TSC1: variants seen among roughly 807,000 people sequenced by gnomAD.
TSC1 encodes TSC complex subunit 1, also known as hamartin.
A neutral mutation model predicts 124.3 loss-of-function variants in TSC1; 20 were observed. That is an observed-to-expected ratio of 0.16 (90% CI 0.11 to 0.23). The LOEUF is 0.23. Among genes scored for constraint, TSC1 ranks in the 10% least tolerant of loss-of-function variants. The pLI, the probability that TSC1 is intolerant of heterozygous loss-of-function variation, is 1.00. For missense variants in TSC1, 1,124 were observed against 1,448.5 expected, an observed-to-expected ratio of 0.78 and a Z score of 3.64; for synonymous variants, 493 against 539.1, an observed-to-expected ratio of 0.91 and a Z score of 1.19.
intron 2 of TSC1, among the ~76,000 whole-genome samples, chr9:132,932,267 C>G (rs1185467415): frequency 2.6e-5 from 4 of 152,244 alleles, no homozygotes; most frequent in African/African-American, 9.6e-5. Context: ...ACTCTGCCAT[C>G]TTCTGGATCT....
In TSC1 at chr9:132,897,612, TGA is replaced by T. The variant is rs2131640628; in HGVS notation, c.2626-4_2626-3del. On this transcript the variant is annotated splice_region_variant and splice_polypyrimidine_tract_variant and intron_variant, in intron 20 of 22. Transcript: ENST00000298552. ...GGCGGCTTTCATCATTTCTACTTCC[TGA>T]AAAAAAAAAAAAAAAAAGACTGGAA... is the stretch of plus-strand genomic sequence containing the variant. The T allele has an allele frequency of 4.4e-6, 4 of 914,524 alleles. No individual in the cohort carries two copies. The highest frequency in any genetic ancestry group is 3.2e-5 in the East Asian group (1 of 30,996). 56.7% of individuals were successfully genotyped at this position (914,524 alleles called of 1,614,324 possible).
chr9:132,934,929 T>C (rs1847378615), intron 2 of TSC1, 104 bp downstream of exon 2: 4 of 397,968 alleles, frequency 1.0e-5, no homozygotes, highest in Non-Finnish European at 1.8e-5. Flanking sequence ...GTCCAGTTCC[T>C]GGCAAGTAGC....
rs754189843 is a variant in TSC1, at chr9:132,902,805, T to G, written c.2209-18A>C. 1.4e-4 allele frequency: 232 copies of G among 1,612,686 alleles called. No homozygotes were observed. The highest frequency in any genetic ancestry group is 1.9e-4 in the Non-Finnish European group (225 of 1,180,000). On this transcript the variant is annotated intron_variant, in intron 17 of 22. Coordinates refer to ENST00000298552, the MANE Select transcript of TSC1 (RefSeq NM_000368.5). This position sits in a 1 kb window ranked among gnomAD's most constrained non-coding sequence, Gnocchi z 5.2. ...TGATCTTTCTAGCAGAGACCAGAAA[T>G]GTCATCATTTTAGCTGTCTTCCAAC...
At position 132,917,537 on chromosome 9, in the gene TSC1, G is replaced by A. The variant is rs552909261; in HGVS notation, c.737+3826C>T. Among the ~76,000 whole-genome samples, 29 of 152,190 alleles carry A rather than the reference G, an allele frequency of 1.9e-4. 1 individual carries two copies. Among genetic ancestry groups the A allele is most frequent in the African/African-American group, 6.7e-4 (28 of 41,538 alleles). ...AGTAGAGAGGAGGTTTCACCATGTT[G>A]GCCAGGCTGGTCTCGAACTCCTGAC... On this transcript the variant is annotated intron_variant, in intron 8 of 22. Coordinates refer to ENST00000298552, the MANE Select transcript of TSC1 (RefSeq NM_000368.5).
Position 132,892,185 on chromosome 9 carries a change from GCAAA to G in TSC1, c.*4046_*4049del, listed in dbSNP as rs2131529190. 4.3e-6 allele frequency: 1 copy of G among 233,208 alleles called. No individual in the cohort carries two copies. Among genetic ancestry groups the G allele is most frequent in the African/African-American group, 2.2e-5 (1 of 45,466 alleles). The allele number at this position is 233,208 out of a possible 1,614,324, so 14.4% of individuals were successfully genotyped here. A position where few individuals can be genotyped will look rare whatever the true frequency, so the allele number is the denominator to read the frequency against. ...GGGCACATCGAAGAGTCCCGGACAGGCAAACAAGCCACATGGGACAAGGGTCACA... is the reference window on the plus strand; with the variant it reads ...GGGCACATCGAAGAGTCCCGGACAGGCAAGCCACATGGGACAAGGGTCACA... On this transcript the variant is annotated 3_prime_UTR_variant, in exon 23 of 23. Transcript: ENST00000298552.
At position 132,902,423 on chromosome 9, in the gene TSC1, G is replaced by A. The variant is rs558927050; in HGVS notation, c.2391+182C>T. Among the ~76,000 whole-genome samples the A allele has an allele frequency of 6.6e-6, 1 of 152,226 alleles. No homozygotes were observed. Among genetic ancestry groups the A allele is most frequent in the African/African-American group, 2.4e-5 (1 of 41,518 alleles). ...CTACTATATGAACCAACAAAGTTGG[G>A]GAACCTCTGTCCTAAGTAAGATTCA... On this transcript the variant is annotated intron_variant, in intron 18 of 22. Transcript: ENST00000298552. This position sits in a 1 kb window ranked among gnomAD's most constrained non-coding sequence, Gnocchi z 5.2.
Position 132,906,607 on chromosome 9 carries a change from A to T in TSC1, c.1438+124T>A. ...CCTGGCATAGGTCCCAGACTAAACC[A>T]CCCATCTTGTTACCTCAAGAGAAGA... On this transcript the variant is annotated intron_variant, in intron 14 of 22. Transcript: ENST00000298552. The surrounding 1 kb of genome is among the most constrained non-coding windows in gnomAD (Gnocchi z 4.1). 4 of 814,722 alleles carry T rather than the reference A, an allele frequency of 4.9e-6. No homozygotes were observed. The highest frequency in any genetic ancestry group is 8.2e-6 in the Non-Finnish European group (4 of 487,014). 50.5% of individuals were successfully genotyped at this position (814,722 alleles called of 1,614,324 possible).
In TSC1 at chr9:132,892,470, C is replaced by T. The variant is rs1304133179; in HGVS notation, c.*3765G>A. ...ATAGGTATACTGATTTGAGTCACTC[C>T]ACACCAGGCAGCTTCCTTCTCCAGG... is the stretch of plus-strand genomic sequence containing the variant. On this transcript the variant is annotated 3_prime_UTR_variant, in exon 23 of 23. Transcript: ENST00000298552. 4.3e-6 allele frequency: 1 copy of T among 233,204 alleles called. No individual in the cohort carries two copies. The highest frequency in any genetic ancestry group is 2.2e-5 in the African/African-American group (1 of 45,326). 14.4% of individuals were successfully genotyped at this position (233,204 alleles called of 1,614,324 possible).
Position 132,923,319 on chromosome 9 carries a change from G to A in TSC1, c.508+29C>T, listed in dbSNP as rs765190422. ...ATAATGAAAGCATTCACCTCACAGG[G>A]CCCAACAGGTATATGAGGAGATCTG... On this transcript the variant is annotated intron_variant, in intron 6 of 22. Transcript: ENST00000298552. The surrounding 1 kb of genome is among the most constrained non-coding windows in gnomAD (Gnocchi z 4.2). 6.2e-7 allele frequency: 1 copy of A among 1,612,796 alleles called. No homozygotes were observed. The highest frequency in any genetic ancestry group is 8.5e-7 in the Non-Finnish European group (1 of 1,179,038).
chr9:132,911,428 G>T (rs761673083), intron 10 of TSC1, 25 bp downstream of exon 10: 5 of 1,539,686 alleles, frequency 3.2e-6, no homozygotes, highest in Non-Finnish European at 4.5e-6. Context: ...AGAGGAGAGA[G>T]CAGGCACACT....
At chr9:132,909,017 G>A (rs956630688) in intron 12 of TSC1, among the ~76,000 whole-genome samples, 15 of 150,694 alleles carry the variant, frequency 1.0e-4, no homozygotes, top group Admixed American at 2.0e-4. Context: ...TGATTCTCCC[G>A]CCTCAGCCTC....
At chr9:132,915,768 C>G (rs985493421) in intron 8 of TSC1, among the ~76,000 whole-genome samples, 2 of 152,172 alleles carry the variant, frequency 1.3e-5, no homozygotes, top group Admixed American at 1.3e-4. Context: ...ATGCTGAAAA[C>G]ACGGTATTAA....
Position 132,895,938 on chromosome 9 carries a change from TG to T in TSC1, c.*296del, listed in dbSNP as rs199959286. On this transcript the variant is annotated 3_prime_UTR_variant, in exon 23 of 23. Transcript: ENST00000298552. ...CACAGGTTCAAAGGACGCAACCATT[TG>T]GGGGGGAAAGGAAGAAAGTAAAGCT... is the stretch of plus-strand genomic sequence containing the variant. 2.6e-4 allele frequency: 117 copies of T among 454,842 alleles called. No homozygotes were observed. In the Middle Eastern group the frequency reaches 8.2e-3, roughly 32 times the overall value. The allele number at this position is 454,842 out of a possible 1,614,324, so 28.2% of individuals were successfully genotyped here. A position where few individuals can be genotyped will look rare whatever the true frequency, so the allele number is the denominator to read the frequency against.
chr9:132,930,465 G>A (rs1182176091), intron 2 of TSC1, among the ~76,000 whole-genome samples: 1 of 151,752 alleles, frequency 6.6e-6, no homozygotes, highest in African/African-American at 2.4e-5. Context: ...GCGTGTGCCT[G>A]TAGTCCCACC....
At chr9:132,916,468 A>G (rs945392255) in intron 8 of TSC1, among the ~76,000 whole-genome samples, 2 of 152,150 alleles carry the variant, frequency 1.3e-5, no homozygotes, top group Non-Finnish European at 1.5e-5. Context: ...ACTCTTCCAT[A>G]TATCCTTTCC....
chr9:132,938,253 A>G (rs1394710936), intron 1 of TSC1, among the ~76,000 whole-genome samples: 1 of 152,180 alleles, frequency 6.6e-6, no homozygotes, highest in East Asian at 1.9e-4. Flanking sequence ...GTGAGATGTG[A>G]TCTGTGAACC....
Position 132,905,783 on chromosome 9 carries a change from C to G in TSC1, c.1795G>C (p.Gly599Arg), listed in dbSNP as rs761959210. The G allele has an allele frequency of 6.2e-7, 1 of 1,614,146 alleles. No individual in the cohort carries two copies. The highest frequency in any genetic ancestry group is 8.5e-7 in the Non-Finnish European group (1 of 1,180,046). ...PPPTRVGFGS[G>R]QPPPYDHLFE... is the part of the protein sequence containing the mutation. Reference sequence around the variant, plus strand: ...AGATGATCATACGGGGGAGGCTGCCCGCTTCCAAAGCCCACTCTCGTCGGA... The same window carrying G: ...AGATGATCATACGGGGGAGGCTGCCGGCTTCCAAAGCCCACTCTCGTCGGA... Residue 599 changes from glycine (G) to arginine (R), a missense_variant, in exon 15 of 23, where the codon GGG becomes CGG. Around this residue, in one of 5 missense-constraint regions of TSC1, gnomAD observed 321 missense variants for 397.4 expected, o/e 0.81. Transcript: ENST00000298552.
rs1845704317 is a variant in TSC1, at chr9:132,906,912, T to C, written c.1334-77A>G. The C allele has an allele frequency of 8.8e-7, 1 of 1,134,684 alleles. No homozygotes were observed. Among genetic ancestry groups the C allele is most frequent in the Non-Finnish European group, 1.3e-6 (1 of 754,102 alleles). The allele number at this position is 1,134,684 out of a possible 1,614,324, so 70.3% of individuals were successfully genotyped here. ...TAAGTGTAAAACTGCTTACACTGTATAGAATATGTCTGTAATAACTCTTCA... is the reference window on the plus strand; with the variant it reads ...TAAGTGTAAAACTGCTTACACTGTACAGAATATGTCTGTAATAACTCTTCA... On this transcript the variant is annotated intron_variant, in intron 13 of 22. Coordinates refer to ENST00000298552, the MANE Select transcript of TSC1 (RefSeq NM_000368.5). This position sits in a 1 kb window ranked among gnomAD's most constrained non-coding sequence, Gnocchi z 4.1.
Position 132,921,420 on chromosome 9 carries a change from A to G in TSC1, c.680T>C (p.Val227Ala), listed in dbSNP as rs1264542706. Residue 227 changes from valine (V) to alanine (A), a missense_variant, in exon 8 of 23, where the codon GTG (valine) becomes GCG (alanine). Physicochemically the swap from Val to Ala is moderately conservative, Grantham distance 64 (BLOSUM62 0). This residue lies in a region of TSC1 where 463 missense variants were observed against 606.8 expected (regional missense o/e 0.76). Coordinates refer to ENST00000298552, the MANE Select transcript of TSC1 (RefSeq NM_000368.5). The surrounding 1 kb of genome is among the most constrained non-coding windows in gnomAD (Gnocchi z 4.3). ...AGTCACTAATTCCGGATGAATTCGC[A>G]CATGCTCCATCATTGGCTAGAAGAG... ...EEVVKPMMEH[V>A]RIHPELVTGS... 6.2e-7 allele frequency: 1 copy of G among 1,614,046 alleles called. No homozygotes were observed. The highest frequency in any genetic ancestry group is 1.3e-5 in the African/African-American group (1 of 74,942).
Sources: gnomAD v4.1 joint callset for allele counts (sites outside exome capture counted in the v4.1 genomes callset) on GRCh38, gnomAD v4.1.1 for gene constraint, gnomAD v4.1.1 regional missense constraint, Gnocchi (gnomAD v3.1) non-coding constraint, MANE v1.5 for transcripts, NCBI Gene and HGNC (gene_info 2026-07-23, HGNC 2026-07-21) for gene names.